Variants in ADGRG6 observed in about 807,000 individuals in gnomAD.
The protein encoded by ADGRG6 is G-protein coupled receptor 126.
A neutral mutation model predicts 142.4 loss-of-function variants in ADGRG6; 84 were observed. The observed-to-expected ratio is 0.59, with a 90% CI of 0.49 to 0.71. ADGRG6 has a LOEUF of 0.71. ADGRG6 is among the 30% of genes least tolerant of loss of function. The pLI is 0.00. For missense variants in ADGRG6, 1,367 were observed against 1,466.6 expected (o/e 0.93, Z 1.11); for synonymous variants, 521 against 520.5 (o/e 1.00, Z -0.01).
intron 2 of ADGRG6, among the ~76,000 whole-genome samples, chr6:142,341,940 A>G (rs1779679113): frequency 6.6e-6 from 1 of 151,926 alleles, no homozygotes; most frequent in Admixed American, 6.6e-5. Flanking sequence ...AAACTGTTTT[A>G]TTTTCTGAAT....
intron 2 of ADGRG6, among the ~76,000 whole-genome samples, chr6:142,315,011 A>G (rs1020130853): frequency 7.6e-6 from 1 of 132,144 alleles, no homozygotes; most frequent in Non-Finnish European, 1.6e-5. Context: ...TGTGTTATAC[A>G]GTCTATTTTG....
At chr6:142,382,914 C>A (rs1003698547) in intron 5 of ADGRG6, among the ~76,000 whole-genome samples, 1 of 151,954 alleles carries the variant, frequency 6.6e-6, no homozygotes, top group Non-Finnish European at 1.5e-5. Flanking sequence ...GGTGGGGTAA[C>A]TCATTATTAT....
chr6:142,332,101 C>T (rs898526987), intron 2 of ADGRG6, among the ~76,000 whole-genome samples: 2 of 152,072 alleles, frequency 1.3e-5, no homozygotes, highest in Admixed American at 6.5e-5. Context: ...ATAGGAATGG[C>T]TCACAATTCT....
intron 1 of ADGRG6, among the ~76,000 whole-genome samples, chr6:142,303,086 T>C (rs1424569846): frequency 6.6e-6 from 1 of 152,196 alleles, no homozygotes; most frequent in Non-Finnish European, 1.5e-5. Context: ...AAAGGAAGAT[T>C]GTACTCCAAA....
At chr6:142,367,508 G>T in intron 2 of ADGRG6, 61 bp from the exon 3 acceptor site, 1 of 1,170,636 alleles carries the variant, frequency 8.5e-7, no homozygotes, top group Non-Finnish European at 1.2e-6. Flanking sequence ...TGGTATTCTC[G>T]GTTTATTGCA....
intron 2 of ADGRG6, among the ~76,000 whole-genome samples, chr6:142,341,752 A>T (rs1779669676): frequency 6.8e-6 from 1 of 147,640 alleles, no homozygotes. Flanking sequence ...GCAGACTTGG[A>T]CAAGTTGCAC....
At chr6:142,311,571 C>CT (rs1246400037) in intron 2 of ADGRG6, among the ~76,000 whole-genome samples, 2 of 151,786 alleles carry the variant, frequency 1.3e-5, no homozygotes, top group South Asian at 2.1e-4. Flanking sequence ...TATTTAAAAT[C>CT]TTTTTTTGCA....
chr6:142,394,877 G>A (rs1394940551), intron 9 of ADGRG6, among the ~76,000 whole-genome samples: 3 of 152,074 alleles, frequency 2.0e-5, no homozygotes, highest in Non-Finnish European at 4.4e-5. Context: ...GTACAGGCGT[G>A]AGATGTCATA....
rs747557117 is a variant in ADGRG6 at position 142,402,747 on chromosome 6, T to C, written c.1872T>C (p.Asp624=). The change falls in exon 13 of 25, where the codon GAT becomes GAC. Residue 624 remains aspartate (D), a synonymous_variant. Transcript: ENST00000367609. ...KRIVNKEENI[D]ITLGSTLMNI... ...TTGTGAATAAAGAAGAAAACATTGA[T>C]ATAACACTTGGCTCAACTCTAATGA... The C allele has an allele frequency of 6.3e-6, 10 of 1,598,734 alleles. No homozygotes were observed. In the South Asian group the frequency reaches 8.8e-5, roughly 14 times the overall value.
intron 2 of ADGRG6, among the ~76,000 whole-genome samples, chr6:142,318,074 A>G (rs1250397388): frequency 1.8e-5 from 1 of 56,346 alleles, no homozygotes; most frequent in African/African-American, 8.3e-5. Context: ...ATATATATTT[A>G]TATATTATAT....
chr6:142,334,812 G>A (rs1012365929), intron 2 of ADGRG6, among the ~76,000 whole-genome samples: 6 of 152,078 alleles, frequency 3.9e-5, no homozygotes, highest in African/African-American at 1.5e-4. Context: ...TAAACAGAGG[G>A]CAGTACTTAG....
rs1367265511 is a variant in ADGRG6 at position 142,443,338 on chromosome 6, C to G, written c.3576C>G (p.Asp1192Glu). ...AATTTCTTGTATCATTTCTTGCAGA[C>G]AGTGCTTCCATGGACAAGTCCTTGT... ...TTYFKRNSHT[D>E]SASMDKSLSK... The change falls in exon 25 of 25, where the codon GAC becomes GAG. Residue 1192 changes from aspartate to glutamate, a missense_variant and splice_region_variant. Asp to Glu is a conservative substitution (Grantham distance 45). Coordinates refer to ENST00000367609, the MANE Select transcript of ADGRG6 (RefSeq NM_198569.3). 4 of 1,605,646 alleles carry G rather than the reference C, an allele frequency of 2.5e-6. No individual in the cohort carries two copies. Among genetic ancestry groups the G allele is most frequent in the Non-Finnish European group, 3.4e-6 (4 of 1,175,678 alleles).
intron 10 of ADGRG6, among the ~76,000 whole-genome samples, chr6:142,398,899 C>T (rs552856476): frequency 1.3e-5 from 2 of 152,044 alleles, no homozygotes; most frequent in Non-Finnish European, 2.9e-5. Flanking sequence ...AAACAATAAT[C>T]TCTGACTTAA....
At position 142,370,503 on chromosome 6, in the gene ADGRG6, C is replaced by A. The variant is rs748239263; in HGVS notation, c.779C>A (p.Ser260Tyr). ...FEQLCLVWNN[S>Y]LGSIGVNFKR... Reference sequence around the variant, plus strand: ...CAGCTCTGCCTTGTTTGGAATAATTCTTTGGGCTCTATTGGTGTAAATTTC... The same window carrying A: ...CAGCTCTGCCTTGTTTGGAATAATTATTTGGGCTCTATTGGTGTAAATTTC... Residue 260 changes from serine (S) to tyrosine (Y), a missense_variant, in exon 4 of 25, where the codon TCT (serine) becomes TAT (tyrosine). Ser to Tyr is a moderately radical substitution (Grantham distance 144, BLOSUM62 -2). Around this residue, in one of 3 missense-constraint regions of ADGRG6, gnomAD observed 737 missense variants for 746.5 expected, o/e 0.99. Coordinates refer to ENST00000367609, the MANE Select transcript of ADGRG6 (RefSeq NM_198569.3). 2.5e-6 allele frequency: 4 copies of A among 1,613,526 alleles called. No individual in the cohort carries two copies. The highest frequency in any genetic ancestry group is 2.2e-5 in the East Asian group (1 of 44,872).
chr6:142,364,229 G>A (rs1422632483), intron 2 of ADGRG6, among the ~76,000 whole-genome samples: 1 of 152,048 alleles, frequency 6.6e-6, no homozygotes, highest in Non-Finnish European at 1.5e-5. Context: ...TGCTCTATAA[G>A]TATAATGAAG....
chr6:142,380,026 A>G (rs1399515157), intron 4 of ADGRG6, among the ~76,000 whole-genome samples: 3 of 152,144 alleles, frequency 2.0e-5, no homozygotes, highest in Non-Finnish European at 4.4e-5. Flanking sequence ...AACTCAAAGT[A>G]GTGGGGAGAG....
chr6:142,313,356 A>T (rs753009193), intron 2 of ADGRG6, among the ~76,000 whole-genome samples: 1 of 152,002 alleles, frequency 6.6e-6, no homozygotes, highest in African/African-American at 2.4e-5. Flanking sequence ...AAGATGAATG[A>T]TGATATCTCA....
intron 4 of ADGRG6, among the ~76,000 whole-genome samples, chr6:142,380,157 T>G (rs9496359): frequency 6.6e-6 from 1 of 152,166 alleles, no homozygotes; most frequent in Admixed American, 6.5e-5. Flanking sequence ...GATTTTTTCA[T>G]GCAGATGAAG....
At chr6:142,347,851 C>T (rs1779981543) in intron 2 of ADGRG6, among the ~76,000 whole-genome samples, 1 of 152,112 alleles carries the variant, frequency 6.6e-6, no homozygotes, top group African/African-American at 2.4e-5. Context: ...CAAGGACTAA[C>T]AAGAGTTTCT....
Sources: allele counts gnomAD v4.1 joint callset (sites outside exome capture counted in the v4.1 genomes callset), GRCh38; gene constraint gnomAD v4.1.1; regional missense constraint gnomAD v4.1.1; transcripts MANE v1.5; gene names NCBI Gene and HGNC (gene_info 2026-07-23, HGNC 2026-07-21).